SLC16A5: variants seen among roughly 807,000 people sequenced by gnomAD.
SLC16A5 encodes the protein solute carrier family 16 member 5, also known as monocarboxylate transporter 6.
SLC16A5 carries 29 observed loss-of-function variants against 33.2 expected under a neutral mutation model. The observed-to-expected ratio is 0.87, with a 90% CI of 0.65 to 1.19. SLC16A5 has a LOEUF of 1.19. Ranked by LOEUF, SLC16A5 falls within the 50% of genes most tolerant of loss-of-function variation. SLC16A5 has a pLI of 0.00. For synonymous variants in SLC16A5, 248 were observed against 284.1 expected (o/e 0.87, Z 1.28); for missense variants, 606 against 678.2 (o/e 0.89, Z 1.18).
At chr17:75,104,267 C>A in intron 6 of SLC16A5, 87 bp downstream of exon 6, 1 of 1,546,768 alleles carries the variant, frequency 6.5e-7, no homozygotes, top group Admixed American at 2.0e-5. Context: ...TGTCTCAGCC[C>A]AGCCCAGGAG....
intron 4 of SLC16A5, 163 bp from the exon 5 acceptor site, chr17:75,099,844 G>A: frequency 1.5e-6 from 1 of 675,570 alleles, no homozygotes; most frequent in Non-Finnish European, 2.5e-6. Flanking sequence ...ACAGGGAGGT[G>A]GCGAGGCCAG....
chr17:75,105,187 G>A (rs1339557040), intron 6 of SLC16A5: 1 of 985,430 alleles, frequency 1.0e-6, no homozygotes, highest in Non-Finnish European at 1.2e-6. Flanking sequence ...GAGAACGGGA[G>A]GGGGGCCCCT....
intron 2 of SLC16A5, among the ~76,000 whole-genome samples, chr17:75,091,018 C>T (rs2073630714): frequency 1.3e-5 from 2 of 152,194 alleles, no homozygotes; most frequent in South Asian, 4.1e-4. Flanking sequence ...AAGAAGGGAC[C>T]AGAGCCAGGC....
intron 2 of SLC16A5, chr17:75,093,358 C>CTCCTGTCCT: frequency 1.2e-5 from 18 of 1,519,274 alleles, no homozygotes; most frequent in Non-Finnish European, 1.6e-5. Flanking sequence ...CCTCCTGTCC[C>CTCCTGTCCT]TCCTGTCCTT....
intron 3 of SLC16A5, among the ~76,000 whole-genome samples, chr17:75,097,002 T>A (rs2073729059): frequency 6.6e-6 from 1 of 151,344 alleles, no homozygotes; most frequent in Non-Finnish European, 1.5e-5. Context: ...ATTTTTGTAT[T>A]TTTAGTAGAG....
At chr17:75,108,341 G>T (rs1018326496), downstream of SLC16A5, among the ~76,000 whole-genome samples, 1 of 152,216 alleles carries the variant, frequency 6.6e-6, no homozygotes, top group Non-Finnish European at 1.5e-5. Flanking sequence ...CCAGGCTGCA[G>T]AGGCTCCCAA....
At position 75,100,837 on chromosome 17, in the gene SLC16A5, G is replaced by A. The variant is rs778052766; in HGVS notation, c.1153+21G>A. The A allele has an allele frequency of 1.6e-5, 24 of 1,547,346 alleles. No individual in the cohort carries two copies. The South Asian group carries it at 2.8e-4, about 18-fold the overall frequency. On this transcript the variant is annotated intron_variant, in intron 5 of 6. Coordinates refer to ENST00000329783, the MANE Select transcript of SLC16A5 (RefSeq NM_004695.4). ...GGCCGGTGAGGAGCTGGGAGGGAGG[G>A]CAGCCAGATAGTGTGGTAAAAGGGG...
chr17:75,104,914 T>C (rs2073845018), intron 6 of SLC16A5: 1 of 985,458 alleles, frequency 1.0e-6, no homozygotes, highest in Middle Eastern at 5.2e-4. Flanking sequence ...CTCCTACAGC[T>C]CAATGCACTG....
At chr17:75,089,927 C>A (rs1351729858) in intron 2 of SLC16A5, 1 of 152,018 alleles carries the variant, frequency 6.6e-6, no homozygotes, top group African/African-American at 2.4e-5. Flanking sequence ...CGATCTGTAC[C>A]TGCCTGTGAA....
intron 3 of SLC16A5, among the ~76,000 whole-genome samples, chr17:75,095,573 T>C (rs1051028668): frequency 6.6e-6 from 1 of 152,046 alleles, no homozygotes; most frequent in Non-Finnish European, 1.5e-5. Flanking sequence ...TCACAGCCTA[T>C]TGCAGCCTTA....
At chr17:75,105,447 G>A (rs892115927) in intron 6 of SLC16A5, 1 of 985,320 alleles carries the variant, frequency 1.0e-6, no homozygotes, top group African/African-American at 1.7e-5. Flanking sequence ...GTCCTCCAGA[G>A]GCCCCCCTTT....
At position 75,101,586 on chromosome 17, in the gene SLC16A5, G is replaced by C. The variant is rs1350861495; in HGVS notation, c.1153+770G>C. Among the ~76,000 whole-genome samples, 4 of 111,824 alleles carry C rather than the reference G, an allele frequency of 3.6e-5. No individual in the cohort carries two copies. The South Asian group carries it at 1.2e-3, about 33-fold the overall frequency. The allele number at this position is 111,824 out of a possible 152,430, so 73.4% of individuals were successfully genotyped here. On this transcript the variant is annotated intron_variant, in intron 5 of 6. Coordinates refer to ENST00000329783, the MANE Select transcript of SLC16A5 (RefSeq NM_004695.4). Reference sequence around the variant, plus strand: ...GAAAAAAAAAAAAAAAAAAAAAAAAGCATGGGTTTGTGTACCAAACCTCAG... The same window carrying C: ...GAAAAAAAAAAAAAAAAAAAAAAAACCATGGGTTTGTGTACCAAACCTCAG...
downstream of SLC16A5, chr17:75,109,966 C>A (rs936809273): frequency 1.0e-5 from 3 of 300,600 alleles, no homozygotes; most frequent in Non-Finnish European, 1.3e-5. The surrounding 1 kb of genome is among the most constrained non-coding windows in gnomAD (Gnocchi z 5.0). Context: ...CCGCCGGGAG[C>A]CCGGAACCGA....
chr17:75,101,233 A>C (rs2073795034), intron 5 of SLC16A5, among the ~76,000 whole-genome samples: 1 of 144,182 alleles, frequency 6.9e-6, no homozygotes, highest in African/African-American at 2.6e-5. Context: ...TGGGCAACAA[A>C]GCGAGACTCC....
At chr17:75,103,729 T>C (rs1292166821) in intron 5 of SLC16A5, among the ~76,000 whole-genome samples, 1 of 152,160 alleles carries the variant, frequency 6.6e-6, no homozygotes, top group Non-Finnish European at 1.5e-5. Context: ...CTCCACTAGT[T>C]CCCTACCACC....
chr17:75,092,026 GGGGTGTGTGTGTGTGT>G (rs1013756287), intron 2 of SLC16A5, among the ~76,000 whole-genome samples: 2 of 61,792 alleles, frequency 3.2e-5, no homozygotes, highest in African/African-American at 2.0e-4. Flanking sequence ...AGATGTGAGG[GGGGTGTGTGTGTGTGT>G]GTGTGTGTGC....
intron 5 of SLC16A5, 121 bp downstream of exon 5, chr17:75,100,937 C>CAT: frequency 9.9e-7 from 1 of 1,010,212 alleles, no homozygotes; most frequent in Non-Finnish European, 1.4e-6. Context: ...ACCTGGCACT[C>CAT]AGAGTATGAA....
At chr17:75,107,891 C>T (rs1009494059), downstream of SLC16A5, among the ~76,000 whole-genome samples, 1 of 151,934 alleles carries the variant, frequency 6.6e-6, no homozygotes, top group African/African-American at 2.4e-5. Flanking sequence ...GAGCTGAGAT[C>T]GCACCACTGC....
At chr17:75,103,029 T>C (rs1484663633) in intron 5 of SLC16A5, among the ~76,000 whole-genome samples, 1 of 152,170 alleles carries the variant, frequency 6.6e-6, no homozygotes, top group Non-Finnish European at 1.5e-5. Flanking sequence ...TAGCTGGGAC[T>C]ACAGGTGCGT....
Sources: allele counts gnomAD v4.1 joint callset (sites outside exome capture counted in the v4.1 genomes callset), GRCh38; gene constraint gnomAD v4.1.1; non-coding constraint Gnocchi (gnomAD v3.1); transcripts MANE v1.5; gene names NCBI Gene and HGNC (gene_info 2026-07-23, HGNC 2026-07-21).